The following LYPD6 variants were observed in gnomAD, a reference collection of about 807,000 sequenced individuals.
LYPD6 encodes ly6/PLAUR domain-containing protein 6.
In LYPD6, 15 loss-of-function variants were observed where a neutral mutation model predicts 22.7. The observed-to-expected ratio is 0.66, with a 90% CI of 0.44 to 1.02. The LOEUF is 1.02. Ranked by LOEUF, LYPD6 falls within the 50% of genes least tolerant of loss-of-function variation. The probability of loss-of-function intolerance (pLI) is 0.00; values close to 1 mark genes in which losing one functional copy is unlikely to be tolerated. For missense variants in LYPD6, 189 were observed against 208.4 expected (o/e 0.91, Z 0.57); for synonymous variants, 72 against 77.5 (o/e 0.93, Z 0.37).
chr2:149,452,798 T>C (rs756465494), intron 3 of LYPD6, among the ~76,000 whole-genome samples: 5 of 152,226 alleles, frequency 3.3e-5, no homozygotes, highest in Non-Finnish European at 7.3e-5. Context: ...CAGACTTGTT[T>C]TGAGTTATTG....
intron 1 of LYPD6, among the ~76,000 whole-genome samples, chr2:149,351,751 G>A (rs1681362915): frequency 6.6e-6 from 1 of 152,192 alleles, no homozygotes; most frequent in Admixed American, 6.5e-5. Context: ...GTCACTGTAA[G>A]CCAAGGAAGG....
chr2:149,350,551 A>G (rs906570162), intron 1 of LYPD6, among the ~76,000 whole-genome samples: 8 of 151,738 alleles, frequency 5.3e-5, no homozygotes, highest in African/African-American at 1.9e-4. Context: ...TTATAAAGAA[A>G]CCCTGTGGAC....
At chr2:149,413,674 A>G (rs1682900652) in intron 1 of LYPD6, among the ~76,000 whole-genome samples, 1 of 152,206 alleles carries the variant, frequency 6.6e-6, no homozygotes, top group African/African-American at 2.4e-5. Flanking sequence ...AAATTCTCCC[A>G]ATACTCACTG....
rs191625373 is a variant in LYPD6, at chr2:149,378,685, C to G, written c.-72+47963C>G. The stretch of plus-strand genomic sequence containing the variant: ...AGCAATTTGCCCTGTATTTAATGAG[C>G]CAGCCACCTTGTGTCTTCCCCTCCT... On this transcript the variant is annotated intron_variant, in intron 1 of 4. Transcript: ENST00000334166. Among the ~76,000 whole-genome samples the G allele has an allele frequency of 4.6e-5, 7 of 152,238 alleles. No individual in the cohort carries two copies. The East Asian group carries it at 1.4e-3, about 29-fold the overall frequency.
At chr2:149,470,636 C>T (rs752763058) in intron 4 of LYPD6, 47 bp from the exon 5 acceptor site, 4 of 1,576,536 alleles carry the variant, frequency 2.5e-6, no homozygotes, top group Non-Finnish European at 2.6e-6. Context: ...TGCCTCCTTC[C>T]AAGACATGCT....
intron 1 of LYPD6, chr2:149,368,101 T>A (rs970560163): frequency 3.3e-5 from 5 of 152,164 alleles, no homozygotes; most frequent in African/African-American, 1.2e-4. Flanking sequence ...GAGAAAAAGT[T>A]ATGCAAAAGC....
intron 1 of LYPD6, among the ~76,000 whole-genome samples, chr2:149,338,252 C>G (rs1681096985): frequency 6.6e-6 from 1 of 152,182 alleles, no homozygotes; most frequent in African/African-American, 2.4e-5. Flanking sequence ...AGTGGCTGAT[C>G]TAATTTACAA....
chr2:149,370,128 C>T (rs1191789147), intron 1 of LYPD6, among the ~76,000 whole-genome samples: 1 of 152,054 alleles, frequency 6.6e-6, no homozygotes, highest in African/African-American at 2.4e-5. Flanking sequence ...TTTATAAAAC[C>T]CTAAGTTCTT....
intron 1 of LYPD6, among the ~76,000 whole-genome samples, chr2:149,339,342 T>C (rs922970236): frequency 1.3e-5 from 2 of 152,180 alleles, no homozygotes; most frequent in African/African-American, 4.8e-5. Context: ...CCATCGTGGC[T>C]TAGAAGCCTC....
At chr2:149,344,817 C>A (rs1441220434) in intron 1 of LYPD6, among the ~76,000 whole-genome samples, 1 of 152,110 alleles carries the variant, frequency 6.6e-6, no homozygotes, top group African/African-American at 2.4e-5. Context: ...CCTCCTCCTA[C>A]AAAAATAGCT....
intron 1 of LYPD6, among the ~76,000 whole-genome samples, chr2:149,428,061 T>G (rs1437171947): frequency 6.6e-6 from 1 of 152,244 alleles, no homozygotes; most frequent in Non-Finnish European, 1.5e-5. Flanking sequence ...ATGAATAACT[T>G]TCTCCCTCTA....
intron 1 of LYPD6, among the ~76,000 whole-genome samples, chr2:149,384,510 G>A (rs966840793): frequency 6.6e-6 from 1 of 152,120 alleles, no homozygotes; most frequent in Non-Finnish European, 1.5e-5. Context: ...GCTCAGCACT[G>A]GCCCCAGTCA....
intron 3 of LYPD6, among the ~76,000 whole-genome samples, chr2:149,456,396 C>T (rs1315253037): frequency 2.6e-5 from 4 of 152,300 alleles, no homozygotes; most frequent in East Asian, 3.9e-4. Context: ...AGAAGCTCCT[C>T]GCATGCCTGT....
intron 1 of LYPD6, among the ~76,000 whole-genome samples, chr2:149,352,719 A>C (rs1187082603): frequency 6.6e-6 from 1 of 152,226 alleles, no homozygotes; most frequent in African/African-American, 2.4e-5. Flanking sequence ...TGGGACAGAG[A>C]TCACTTGTCC....
At chr2:149,416,688 C>T (rs1283382160) in intron 1 of LYPD6, among the ~76,000 whole-genome samples, 4 of 152,142 alleles carry the variant, frequency 2.6e-5, no homozygotes, top group South Asian at 2.1e-4. Context: ...TGCTAATAAG[C>T]GGGGCTACTC....
chr2:149,366,594 T>TG (rs1681672076), intron 1 of LYPD6, among the ~76,000 whole-genome samples: 1 of 152,148 alleles, frequency 6.6e-6, no homozygotes, highest in African/African-American at 2.4e-5. Flanking sequence ...GAGGTGCACT[T>TG]GCAGGGGGTG....
chr2:149,413,514 C>A lies in LYPD6; in HGVS notation c.-71-24124C>A, dbSNP rs952688188. ...CCGAAATTCTTTTAGTTGTTCATCT[C>A]CCACTTATTTTATTCTCCTTTCCAC... On this transcript the variant is annotated intron_variant, in intron 1 of 4. Coordinates refer to ENST00000334166, the MANE Select transcript of LYPD6 (RefSeq NM_194317.5). 6.6e-5 allele frequency among the ~76,000 whole-genome samples: 10 copies of A among 152,320 alleles called. No homozygotes were observed. The East Asian group carries it at 1.9e-3, about 29-fold the overall frequency.
the LYPD6 span, among the ~76,000 whole-genome samples, chr2:149,485,905 C>T: frequency 3.3e-5 from 5 of 152,280 alleles, no homozygotes; most frequent in South Asian, 1.0e-3. Flanking sequence ...CTAATCCCGC[C>T]AGACCTCAGG....
intron 1 of LYPD6, among the ~76,000 whole-genome samples, chr2:149,387,209 A>C (rs1370665593): frequency 1.3e-5 from 2 of 152,210 alleles, no homozygotes; most frequent in Non-Finnish European, 2.9e-5. Flanking sequence ...ATCTGAACAA[A>C]AAGTTTTTTC....
Sources: allele counts gnomAD v4.1 joint callset (sites outside exome capture counted in the v4.1 genomes callset), GRCh38; gene constraint gnomAD v4.1.1; transcripts MANE v1.5; gene names NCBI Gene and HGNC (gene_info 2026-07-23, HGNC 2026-07-21).